Variants in TENM2 observed in about 807,000 individuals in gnomAD.
TENM2 encodes the protein teneurin transmembrane protein 2.
A neutral mutation model predicts 245.2 loss-of-function variants in TENM2; 52 were observed. The ratio of observed to expected loss-of-function variants is 0.21; its 90% CI spans 0.17 to 0.27. The LOEUF is 0.27. Among genes scored for constraint, TENM2 ranks in the 10% least tolerant of loss-of-function variants. The pLI, the probability that TENM2 is intolerant of heterozygous loss-of-function variation, is 1.00. For synonymous variants in TENM2, 1,363 were observed against 1,438.9 expected (o/e 0.95, Z 1.19); for missense variants, 3,046 against 3,666.8 (o/e 0.83, Z 4.37).
At chr5:167,538,594 T>C (rs1159975318) in intron 2 of TENM2, among the ~76,000 whole-genome samples, 1 of 152,228 alleles carries the variant, frequency 6.6e-6, no homozygotes, top group Non-Finnish European at 1.5e-5. Flanking sequence ...GCACCATGAA[T>C]TCTAAGCTGA....
At chr5:167,774,823 T>A (rs1763648710) in intron 2 of TENM2, among the ~76,000 whole-genome samples, 1 of 152,194 alleles carries the variant, frequency 6.6e-6, no homozygotes, top group African/African-American at 2.4e-5. Flanking sequence ...CATGGGTTTC[T>A]CTGAAATAAT....
intron 2 of TENM2, among the ~76,000 whole-genome samples, chr5:167,825,968 A>G (rs1767940533): frequency 6.6e-6 from 1 of 151,910 alleles, no homozygotes; most frequent in Non-Finnish European, 1.5e-5. Flanking sequence ...GCTCAAGCTC[A>G]TGTTTGTTCA....
At chr5:168,038,422 A>T (rs247994) in intron 5 of TENM2, among the ~76,000 whole-genome samples, 2 of 151,842 alleles carry the variant, frequency 1.3e-5, no homozygotes, top group African/African-American at 4.8e-5. Flanking sequence ...AAGAGCACAC[A>T]CTTGGCTCTA....
chr5:167,271,843 AG>A, the TENM2 span, among the ~76,000 whole-genome samples: 3 of 152,248 alleles, frequency 2.0e-5, no homozygotes, highest in Admixed American at 6.5e-5. Context: ...TTTTATCCCC[AG>A]ACATGTCAGT....
chr5:168,044,197 C>G (rs866926270), intron 5 of TENM2, among the ~76,000 whole-genome samples: 1 of 152,124 alleles, frequency 6.6e-6, no homozygotes, highest in Non-Finnish European at 1.5e-5. Context: ...GGGTGGATCA[C>G]GAGGTCAGGA....
intron 2 of TENM2, among the ~76,000 whole-genome samples, chr5:167,467,255 C>T (rs969427545): frequency 6.6e-6 from 1 of 152,024 alleles, no homozygotes; most frequent in African/African-American, 2.4e-5. Context: ...TTTGACAGTT[C>T]CACCCTCACA....
At chr5:168,055,333 C>T (rs1789445539) in intron 6 of TENM2, among the ~76,000 whole-genome samples, 1 of 152,190 alleles carries the variant, frequency 6.6e-6, no homozygotes, top group African/African-American at 2.4e-5. Flanking sequence ...TTGCTTAGGA[C>T]ATTTCTTAAT....
chr5:167,999,181 C>T (rs1784260534), intron 5 of TENM2, among the ~76,000 whole-genome samples: 1 of 152,146 alleles, frequency 6.6e-6, no homozygotes. Flanking sequence ...GAAACCTCAT[C>T]CTCCTGTATG....
intron 2 of TENM2, among the ~76,000 whole-genome samples, chr5:167,652,863 A>G (rs532283239): frequency 1.3e-5 from 2 of 152,316 alleles, no homozygotes; most frequent in South Asian, 4.1e-4. Flanking sequence ...AAAAGCTACA[A>G]GATTAATTTT....
intron 2 of TENM2, among the ~76,000 whole-genome samples, chr5:167,489,286 G>A (rs1193700148): frequency 6.6e-6 from 1 of 152,156 alleles, no homozygotes; most frequent in East Asian, 1.9e-4. Context: ...TGGCTCTACT[G>A]ACCTTTCACT....
chr5:167,729,871 G>T (rs926943054), intron 2 of TENM2, among the ~76,000 whole-genome samples: 1 of 152,190 alleles, frequency 6.6e-6, no homozygotes, highest in Non-Finnish European at 1.5e-5. Flanking sequence ...CCACCAGACC[G>T]TGAGCACTTG....
intron 3 of TENM2, among the ~76,000 whole-genome samples, chr5:167,881,585 T>C (rs530850736): frequency 6.6e-6 from 1 of 152,322 alleles, no homozygotes; most frequent in Admixed American, 6.5e-5. Context: ...GTTGGATTTG[T>C]ACCGCACATA....
chr5:168,019,741 C>A (rs1785977498), intron 5 of TENM2, among the ~76,000 whole-genome samples: 1 of 152,204 alleles, frequency 6.6e-6, no homozygotes, highest in South Asian at 2.1e-4. Context: ...GATGCACTTC[C>A]TAAGTTATTT....
At chr5:167,449,160 A>T (rs966083278) in intron 2 of TENM2, among the ~76,000 whole-genome samples, 1 of 152,192 alleles carries the variant, frequency 6.6e-6, no homozygotes, top group Admixed American at 6.5e-5. Context: ...GGCAAGTGTG[A>T]TATTTCCTTG....
the TENM2 span, among the ~76,000 whole-genome samples, chr5:167,253,406 C>T: frequency 2.0e-5 from 3 of 151,814 alleles, no homozygotes; most frequent in Admixed American, 2.0e-4. Context: ...CTTGGGTGTC[C>T]TAACCTCTGT....
chr5:167,820,521 C>T (rs994391053), intron 2 of TENM2, among the ~76,000 whole-genome samples: 7 of 152,310 alleles, frequency 4.6e-5, no homozygotes, highest in Admixed American at 6.5e-5. Flanking sequence ...GAGAAGCCAA[C>T]AGAGGAGGAA....
intron 1 of TENM2, among the ~76,000 whole-genome samples, chr5:167,359,100 C>T (rs527909704): frequency 6.6e-6 from 1 of 152,162 alleles, no homozygotes; most frequent in South Asian, 2.1e-4. Context: ...TCCTTTACTA[C>T]TCTTTGCAGC....
At chr5:167,698,705 A>G (rs1444213738) in intron 2 of TENM2, among the ~76,000 whole-genome samples, 36 of 107,878 alleles carry the variant, frequency 3.3e-4, no homozygotes, top group Non-Finnish European at 6.0e-4. Flanking sequence ...TTTTTTTGAG[A>G]CATAATCTCG....
At chr5:168,172,578 G>T (rs554244612) in intron 13 of TENM2, among the ~76,000 whole-genome samples, 1 of 152,190 alleles carries the variant, frequency 6.6e-6, no homozygotes, top group Non-Finnish European at 1.5e-5. Flanking sequence ...CCTCCTCTGG[G>T]CCCCTCACAG....
Sources: allele counts gnomAD v4.1 joint callset (sites outside exome capture counted in the v4.1 genomes callset), GRCh38; gene constraint gnomAD v4.1.1; transcripts MANE v1.5; gene names NCBI Gene and HGNC (gene_info 2026-07-23, HGNC 2026-07-21).